MINK1: variants seen among roughly 807,000 people sequenced by gnomAD.
MINK1 encodes misshapen like kinase 1.
In MINK1, 46 loss-of-function variants were observed where a neutral mutation model predicts 178.4. That is an observed-to-expected ratio of 0.26 (90% CI 0.20 to 0.33). The LOEUF is 0.33. Among genes scored for constraint, MINK1 ranks in the 10% least tolerant of loss-of-function variants. The probability of loss-of-function intolerance (pLI) is 1.00; values close to 1 mark genes in which losing one functional copy is unlikely to be tolerated. For missense variants in MINK1, 1,366 were observed against 1,814.9 expected, an observed-to-expected ratio of 0.75 and a Z score of 4.49; for synonymous variants, 797 against 709.7, an observed-to-expected ratio of 1.12 and a Z score of -1.96.
At chr17:4,876,090 C>T (rs558483905) in intron 1 of MINK1, among the ~76,000 whole-genome samples, 2 of 152,146 alleles carry the variant, frequency 1.3e-5, no homozygotes, top group Admixed American at 6.5e-5. Context: ...CCACCGCGCC[C>T]GGCCAAGATT....
At chr17:4,855,094 G>C (rs914782334) in intron 1 of MINK1, among the ~76,000 whole-genome samples, 9 of 151,178 alleles carry the variant, frequency 6.0e-5, no homozygotes, top group African/African-American at 1.9e-4. Context: ...TATAGTCCCA[G>C]CTATTACTAT....
intron 16 of MINK1, 122 bp downstream of exon 16, chr17:4,891,838 C>T (rs891294539): frequency 1.2e-5 from 17 of 1,364,594 alleles, no homozygotes; most frequent in African/African-American, 1.5e-5. Context: ...AAAGCCAGGG[C>T]GCTGCCCTGC....
At chr17:4,875,726 C>A (rs957356371) in intron 1 of MINK1, among the ~76,000 whole-genome samples, 1 of 151,422 alleles carries the variant, frequency 6.6e-6, no homozygotes, top group Non-Finnish European at 1.5e-5. Context: ...GAGCCAAGAT[C>A]GTGCCATTGC....
In MINK1 at chr17:4,891,139, AC is replaced by A. The variant is rs1262263513; in HGVS notation, c.1740+19del. 2 of 1,492,926 alleles carry A rather than the reference AC, an allele frequency of 1.3e-6. No homozygotes were observed. Among genetic ancestry groups the A allele is most frequent in the Admixed American group, 2.5e-5 (1 of 40,456 alleles). 92.5% of individuals were successfully genotyped at this position (1,492,926 alleles called of 1,614,324 possible). On this transcript the variant is annotated intron_variant, in intron 15 of 31. Coordinates refer to ENST00000355280, the MANE Select transcript of MINK1 (RefSeq NM_153827.5). ...GACCGCACAAGGTGAGTCTCTCCCC[AC>A]CCCTGTCTTAATGAAGACACAGGGA...
rs779651675 is a variant in MINK1, at chr17:4,896,503, C to T, written c.3690C>T (p.Tyr1230=). The change falls in exon 30 of 32, where the codon TAC becomes TAT. Residue 1230 remains tyrosine, a synonymous_variant. Transcript: ENST00000355280. This position sits in a 1 kb window ranked among gnomAD's most constrained non-coding sequence, Gnocchi z 4.6. The part of the protein sequence containing the change: ...NTDGMEMLLC[Y]EDEGVYVNTY... ...ACGGCATGGAGATGCTGCTGTGCTA[C>T]GAGGACGAGGGTGTCTACGTCAACA... The T allele has an allele frequency of 1.2e-5, 19 of 1,613,824 alleles. No homozygotes were observed. In the Admixed American group the frequency reaches 1.8e-4, roughly 16 times the overall value.
chr17:4,896,906 G>T lies in MINK1; in HGVS notation c.3915+93G>T. The T allele has an allele frequency of 6.8e-7, 1 of 1,460,148 alleles. No individual in the cohort carries two copies. Among genetic ancestry groups the T allele is most frequent in the South Asian group, 1.5e-5 (1 of 68,406 alleles). The allele number at this position is 1,460,148 out of a possible 1,614,324, so 90.4% of individuals were successfully genotyped here. On this transcript the variant is annotated intron_variant, in intron 31 of 31. Coordinates refer to ENST00000355280, the MANE Select transcript of MINK1 (RefSeq NM_153827.5). This position sits in a 1 kb window ranked among gnomAD's most constrained non-coding sequence, Gnocchi z 4.6. ...GTTCTGGGGAGAGGATGGTGGTGGT[G>T]GCTTCCTGAAAGCGGGCCCCTCTGG...
chr17:4,895,046 C>G lies in MINK1; in HGVS notation c.2918-29C>G. The G allele has an allele frequency of 6.2e-7, 1 of 1,610,610 alleles. No homozygotes were observed. The highest frequency in any genetic ancestry group is 8.5e-7 in the Non-Finnish European group (1 of 1,178,340). On this transcript the variant is annotated intron_variant, in intron 24 of 31. Coordinates refer to ENST00000355280, the MANE Select transcript of MINK1 (RefSeq NM_153827.5). The surrounding 1 kb of genome is among the most constrained non-coding windows in gnomAD (Gnocchi z 4.3). ...GAGATGGGGTGAGAAGCTGCAGCCC[C>G]TCCTCCCACCTCCTCCTCCTTCTGG...
At chr17:4,861,425 C>CA (rs1914151082) in intron 1 of MINK1, among the ~76,000 whole-genome samples, 1 of 152,168 alleles carries the variant, frequency 6.6e-6, no homozygotes, top group East Asian at 1.9e-4. Context: ...TCTGTTATTC[C>CA]AGAGCCCCAC....
At chr17:4,868,667 C>T (rs947550313) in intron 1 of MINK1, among the ~76,000 whole-genome samples, 3 of 152,148 alleles carry the variant, frequency 2.0e-5, no homozygotes, top group East Asian at 1.9e-4. Context: ...TTTAGGTTAA[C>T]GCTATATCTT....
intron 1 of MINK1, among the ~76,000 whole-genome samples, chr17:4,840,903 G>A (rs1910123357): frequency 6.6e-6 from 1 of 152,106 alleles, no homozygotes; most frequent in Non-Finnish European, 1.5e-5. Context: ...GAGGTGGGCT[G>A]TGAGGAGAGT....
intron 1 of MINK1, among the ~76,000 whole-genome samples, chr17:4,838,423 A>G (rs7225684): frequency 0.087 from 13,191 of 151,808 alleles, 577 homozygotes; most frequent in Non-Finnish European, 0.097. Flanking sequence ...CCACCCCCTC[A>G]CTCTTGCCCC....
rs774746033 is a variant in MINK1, at chr17:4,851,041, G to A, written c.57+17401G>A. ...CACAGATCTGGTTTTCCTCCCTTCT[G>A]TCTCACCTGCCTTCCTCTCAATTCT... is the stretch of plus-strand genomic sequence containing the variant. On this transcript the variant is annotated intron_variant, in intron 1 of 31. Transcript: ENST00000355280. The A allele has an allele frequency of 3.3e-5, 15 of 458,910 alleles. No homozygotes were observed. In the East Asian group the frequency reaches 6.2e-4, roughly 19 times the overall value. The allele number at this position is 458,910 out of a possible 1,614,324, so 28.4% of individuals were successfully genotyped here. A position where few individuals can be genotyped will look rare whatever the true frequency, so the allele number is the denominator to read the frequency against.
At chr17:4,861,410 CTCTG>C (rs1057303719) in intron 1 of MINK1, among the ~76,000 whole-genome samples, 10 of 152,244 alleles carry the variant, frequency 6.6e-5, no homozygotes, top group African/African-American at 1.4e-4. Context: ...ACATGAGGCG[CTCTG>C]TCTGTTATTC....
Position 4,896,942 on chromosome 17 carries a change from G to C in MINK1, c.3915+129G>C. 7.9e-7 allele frequency: 1 copy of C among 1,268,294 alleles called. No individual in the cohort carries two copies. Among genetic ancestry groups the C allele is most frequent in the Non-Finnish European group, 1.1e-6 (1 of 938,682 alleles). 78.6% of individuals were successfully genotyped at this position (1,268,294 alleles called of 1,614,324 possible). ...AGCGGGCCCCTCTGGGAGCTCAGAG[G>C]GCAGTCAGCCACTACCACTGCCCTG... On this transcript the variant is annotated intron_variant, in intron 31 of 31. Transcript: ENST00000355280. The surrounding 1 kb of genome is among the most constrained non-coding windows in gnomAD (Gnocchi z 4.6).
chr17:4,873,227 C>CA (rs1966880936), intron 1 of MINK1, among the ~76,000 whole-genome samples: 1 of 152,252 alleles, frequency 6.6e-6, no homozygotes, highest in Admixed American at 6.5e-5. Flanking sequence ...CTCTTACACT[C>CA]ACGAATGTCT....
chr17:4,891,196 G>GCACACACACA lies in MINK1; in HGVS notation c.1740+73_1740+74insACACACACAC, dbSNP rs201604019. The GCACACACACA allele has an allele frequency of 2.2e-5, 19 of 849,966 alleles. No individual in the cohort carries two copies. In the South Asian group the frequency reaches 2.8e-4, roughly 13 times the overall value. 52.7% of individuals were successfully genotyped at this position (849,966 alleles called of 1,614,324 possible). A position where few individuals can be genotyped will look rare whatever the true frequency, so the allele number is the denominator to read the frequency against. ...GTTCAGAGCACAGGTACACACACAC[G>GCACACACACA]CGCGCACACACACACACACACACAC... is the stretch of plus-strand genomic sequence containing the variant. On this transcript the variant is annotated intron_variant, in intron 15 of 31. Coordinates refer to ENST00000355280, the MANE Select transcript of MINK1 (RefSeq NM_153827.5).
intron 1 of MINK1, among the ~76,000 whole-genome samples, chr17:4,840,366 T>C (rs1447827032): frequency 2.0e-5 from 3 of 152,178 alleles, no homozygotes; most frequent in Non-Finnish European, 4.4e-5. Flanking sequence ...GGATTTCTTC[T>C]GAATCTTCCT....
chr17:4,833,402 A>T lies in MINK1; in HGVS notation c.-182A>T. 2.0e-6 allele frequency: 1 copy of T among 503,954 alleles called. No homozygotes were observed. The highest frequency in any genetic ancestry group is 3.5e-6 in the Non-Finnish European group (1 of 287,488). 31.2% of individuals were successfully genotyped at this position (503,954 alleles called of 1,614,324 possible). ...TAGGCTCGGGTGGCTGGCTCCGGGG[A>T]GATAGCGCCTGTCAGTCGGTGGGTC... On this transcript the variant is annotated 5_prime_UTR_variant, in exon 1 of 32. Coordinates refer to ENST00000355280, the MANE Select transcript of MINK1 (RefSeq NM_153827.5). This position sits in a 1 kb window ranked among gnomAD's most constrained non-coding sequence, Gnocchi z 4.8.
chr17:4,840,258 A>G (rs1447499714), intron 1 of MINK1, among the ~76,000 whole-genome samples: 1 of 151,834 alleles, frequency 6.6e-6, no homozygotes, highest in East Asian at 1.9e-4. Flanking sequence ...GAATTGGGAG[A>G]CTCTGGAATG....
Sources: gnomAD v4.1 joint callset for allele counts (sites outside exome capture counted in the v4.1 genomes callset) on GRCh38, gnomAD v4.1.1 for gene constraint, Gnocchi (gnomAD v3.1) non-coding constraint, MANE v1.5 for transcripts, NCBI Gene and HGNC (gene_info 2026-07-23, HGNC 2026-07-21) for gene names.